The following DPP6 variants were observed in gnomAD, a reference collection of about 807,000 sequenced individuals.
The protein encoded by DPP6 is dipeptidyl peptidase like 6.
Under a neutral mutation model 122.6 loss-of-function variants are expected in DPP6, and 69 were observed. That is an observed-to-expected ratio of 0.56 (90% CI 0.46 to 0.69). The LOEUF is 0.69. DPP6 is among the 30% of genes least tolerant of loss of function. DPP6 has a pLI of 0.00. For missense variants in DPP6, 928 were observed against 1,116.9 expected, an observed-to-expected ratio of 0.83 and a Z score of 2.41; for synonymous variants, 418 against 433.1, an observed-to-expected ratio of 0.97 and a Z score of 0.43.
chr7:154,532,283 T>C (rs1476352209), intron 3 of DPP6, among the ~76,000 whole-genome samples: 8 of 152,208 alleles, frequency 5.3e-5, no homozygotes, highest in Non-Finnish European at 1.0e-4. Context: ...TTGGAAATAA[T>C]TTGAACTGAA....
At chr7:154,730,934 G>A (rs547894) in intron 8 of DPP6, among the ~76,000 whole-genome samples, 21,948 of 152,142 alleles carry the variant, frequency 0.14, 2,007 homozygotes, top group East Asian at 0.32. Context: ...TTTCTTCAAG[G>A]CATTTACACG....
At chr7:153,823,726 T>C in the DPP6 span, among the ~76,000 whole-genome samples, 151 of 152,122 alleles carry the variant, frequency 9.9e-4, no homozygotes, top group African/African-American at 3.3e-3. Flanking sequence ...AGCCGTTACA[T>C]GACTATTTAC....
intron 7 of DPP6, among the ~76,000 whole-genome samples, chr7:154,690,083 C>A (rs1839850837): frequency 6.6e-6 from 1 of 152,170 alleles, no homozygotes; most frequent in South Asian, 2.1e-4. Context: ...TAAATTCAGG[C>A]CCTAAAATCA....
At chr7:154,458,802 G>A (rs971811599) in intron 2 of DPP6, among the ~76,000 whole-genome samples, 2 of 152,216 alleles carry the variant, frequency 1.3e-5, no homozygotes, top group African/African-American at 4.8e-5. Context: ...GACAACAACT[G>A]TGCCACGCAC....
chr7:154,779,333 A>T (rs1371622017), intron 10 of DPP6, among the ~76,000 whole-genome samples: 1 of 139,516 alleles, frequency 7.2e-6, no homozygotes, highest in East Asian at 2.1e-4. Flanking sequence ...CACCACCACC[A>T]CCATCATCAC....
At chr7:153,985,864 A>C (rs1228612670) in intron 1 of DPP6, among the ~76,000 whole-genome samples, 1 of 152,204 alleles carries the variant, frequency 6.6e-6, no homozygotes, top group Admixed American at 6.5e-5. Context: ...CTAACTATGA[A>C]AAAGAAAACT....
intron 1 of DPP6, among the ~76,000 whole-genome samples, chr7:154,046,917 C>G (rs996348613): frequency 2.6e-5 from 4 of 152,086 alleles, no homozygotes; most frequent in African/African-American, 9.7e-5. Flanking sequence ...GTCAAGTTTT[C>G]CACTCTCTGT....
chr7:154,803,999 G>C, intron 14 of DPP6, 44 bp downstream of exon 14: 1 of 1,596,246 alleles, frequency 6.3e-7, no homozygotes. Flanking sequence ...TGGCCAATGG[G>C]GCACATTTGT....
At position 154,676,443 on chromosome 7, in the gene DPP6, C is replaced by A. The variant is rs1586868184; in HGVS notation, c.762+7002C>A. ...GCTGTCTGGAGGTCCAGCTGCCCTTCCCCATGTGACCTGCTACACAGGTGT... is the reference window on the plus strand; with the variant it reads ...GCTGTCTGGAGGTCCAGCTGCCCTTACCCATGTGACCTGCTACACAGGTGT... On this transcript the variant is annotated intron_variant, in intron 7 of 25. Coordinates refer to ENST00000377770, the MANE Select transcript of DPP6 (RefSeq NM_130797.4). Among the ~76,000 whole-genome samples, 2 of 118,430 alleles carry A rather than the reference C, an allele frequency of 1.7e-5. 1 individual carries two copies. Among genetic ancestry groups the A allele is most frequent in the Non-Finnish European group, 4.1e-5 (2 of 48,308 alleles). The allele number at this position is 118,430 out of a possible 152,430, so 77.7% of individuals were successfully genotyped here.
rs76428157 is a variant in DPP6, at chr7:154,441,916, T to G, written c.244-4298T>G. On this transcript the variant is annotated intron_variant, in intron 1 of 25. Coordinates refer to ENST00000377770, the MANE Select transcript of DPP6 (RefSeq NM_130797.4). ...CCAAACGACTCAGAAAAGGTATAGC[T>G]TGGTTTTAGTTCGTTGTTTGTTTTA... Among the ~76,000 whole-genome samples, 19 of 152,340 alleles carry G rather than the reference T, an allele frequency of 1.2e-4. 1 individual carries two copies. In the East Asian group the frequency reaches 3.3e-3, roughly 26 times the overall value.
chr7:154,218,020 A>G (rs1563329732), intron 1 of DPP6, among the ~76,000 whole-genome samples: 1 of 152,230 alleles, frequency 6.6e-6, no homozygotes. Flanking sequence ...CATCCTGACT[A>G]TAATTAACAT....
chr7:154,477,366 GA>G (rs1419289231), intron 3 of DPP6, among the ~76,000 whole-genome samples: 1 of 152,118 alleles, frequency 6.6e-6, no homozygotes, highest in Non-Finnish European at 1.5e-5. Flanking sequence ...CAAGAGGCCA[GA>G]AACAAGGGAC....
intron 1 of DPP6, among the ~76,000 whole-genome samples, chr7:154,377,754 TTC>T (rs1813252041): frequency 1.3e-5 from 2 of 152,332 alleles, no homozygotes; most frequent in South Asian, 4.1e-4. Context: ...ATAAAATCTC[TTC>T]TCTTTTTAAA....
chr7:154,311,499 CA>C (rs112674195), intron 1 of DPP6, among the ~76,000 whole-genome samples: 59,115 of 133,184 alleles, frequency 0.44, 12,272 homozygotes, highest in African/African-American at 0.55. Flanking sequence ...CCTGTCTCCA[CA>C]AAAAAAAAAA....
intron 1 of DPP6, among the ~76,000 whole-genome samples, chr7:154,402,314 CATT>C (rs1206623660): frequency 4.0e-5 from 6 of 151,664 alleles, no homozygotes; most frequent in Non-Finnish European, 8.8e-5. Context: ...TTTATTGAGG[CATT>C]ATTCACAATA....
At chr7:154,662,295 C>CG in intron 6 of DPP6, among the ~76,000 whole-genome samples, 1 of 145,338 alleles carries the variant, frequency 6.9e-6, no homozygotes, top group East Asian at 2.1e-4. Flanking sequence ...CATATTGGCG[C>CG]TAGTGTTCAT....
At chr7:154,111,867 A>G (rs1015193430) in intron 1 of DPP6, among the ~76,000 whole-genome samples, 10 of 152,214 alleles carry the variant, frequency 6.6e-5, no homozygotes, top group Non-Finnish European at 1.5e-4. Flanking sequence ...ATGTTACCAC[A>G]TTATTAAAAT....
rs116201644 is a variant in DPP6 at position 154,412,058 on chromosome 7, A to G, written c.244-34156A>G. 3.5e-3 allele frequency among the ~76,000 whole-genome samples: 533 copies of G among 152,264 alleles called. 4 individuals are homozygous for G. The highest frequency in any genetic ancestry group is 0.012 in the African/African-American group (515 of 41,554). On this transcript the variant is annotated intron_variant, in intron 1 of 25. Transcript: ENST00000377770. ...GCTGAGGGGTCACTCTCCAACTTCAATAGCACCTCCTTGTCAAGTCCTCGA... is the reference window on the plus strand; with the variant it reads ...GCTGAGGGGTCACTCTCCAACTTCAGTAGCACCTCCTTGTCAAGTCCTCGA...
At chr7:154,530,517 A>G (rs1414409743) in intron 3 of DPP6, among the ~76,000 whole-genome samples, 1 of 152,204 alleles carries the variant, frequency 6.6e-6, no homozygotes, top group Non-Finnish European at 1.5e-5. Flanking sequence ...GGTTGCAGAG[A>G]AAATGTAGCA....
Sources: gnomAD v4.1 joint callset for allele counts (sites outside exome capture counted in the v4.1 genomes callset) on GRCh38, gnomAD v4.1.1 for gene constraint, MANE v1.5 for transcripts, NCBI Gene and HGNC (gene_info 2026-07-23, HGNC 2026-07-21) for gene names.